Variants in DAGLB observed in about 807,000 individuals in gnomAD.
The protein encoded by DAGLB is diacylglycerol lipase-beta.
DAGLB carries 66 observed loss-of-function variants against 72.1 expected under a neutral mutation model. The ratio of observed to expected loss-of-function variants is 0.92; its 90% CI spans 0.75 to 1.12. The LOEUF (loss-of-function observed/expected upper bound fraction) is 1.12. Among genes scored for constraint, DAGLB ranks in the 50% most tolerant of loss-of-function variants. The probability of loss-of-function intolerance (pLI) is 0.00; values close to 1 mark genes in which losing one functional copy is unlikely to be tolerated. For synonymous variants in DAGLB, 414 were observed against 359.5 expected (o/e 1.15, Z -1.71); for missense variants, 1,065 against 884.9 (o/e 1.20, Z -2.58).
Position 6,412,836 on chromosome 7 carries a change from A to C in DAGLB, c.1544T>G (p.Val515Gly). The C allele has an allele frequency of 6.3e-7, 1 of 1,598,454 alleles. No individual in the cohort carries two copies. ...LEDLKRRILR[V>G]VAHCNKPKYK... Reference sequence around the variant, plus strand: ...CTTGGGTTTATTGCAGTGCGCGACCACTCGCAAGATTCTTCTCTTCAGATC... The same window carrying C: ...CTTGGGTTTATTGCAGTGCGCGACCCCTCGCAAGATTCTTCTCTTCAGATC... The change falls in exon 13 of 15, where the codon GTG becomes GGG. Residue 515 changes from valine to glycine, a missense_variant. Transcript: ENST00000297056.
chr7:6,443,193 A>C (rs1466983429), intron 2 of DAGLB, among the ~76,000 whole-genome samples: 1 of 150,256 alleles, frequency 6.7e-6, no homozygotes, highest in Admixed American at 6.7e-5. Flanking sequence ...CATCCGGAAA[A>C]AAAAAACAAA....
intron 8 of DAGLB, among the ~76,000 whole-genome samples, chr7:6,424,095 T>C (rs887005512): frequency 6.6e-6 from 1 of 152,240 alleles, no homozygotes; most frequent in Admixed American, 6.5e-5. Context: ...CTCTGGAGTC[T>C]CAACTCATTT....
chr7:6,419,522 C>T (rs1306826160), intron 9 of DAGLB, among the ~76,000 whole-genome samples: 2 of 152,182 alleles, frequency 1.3e-5, no homozygotes, highest in East Asian at 1.9e-4. Flanking sequence ...GTCCAATTAC[C>T]GTGGACAGCG....
At chr7:6,434,639 C>T in intron 4 of DAGLB, 123 bp downstream of exon 4, 2 of 1,486,396 alleles carry the variant, frequency 1.3e-6, no homozygotes, top group East Asian at 4.5e-5. Context: ...TCTCCGGCCA[C>T]CCCCCACACA....
At chr7:6,429,771 G>A (rs114398783) in intron 6 of DAGLB, among the ~76,000 whole-genome samples, 3,967 of 151,894 alleles carry the variant, frequency 0.026, 195 homozygotes, top group African/African-American at 0.092. Flanking sequence ...GTGGCCGGGC[G>A]TGGTGGCTCA....
chr7:6,430,224 T>C (rs1784436978), intron 6 of DAGLB, among the ~76,000 whole-genome samples: 2 of 112,846 alleles, frequency 1.8e-5, no homozygotes, highest in South Asian at 2.8e-4. Flanking sequence ...AAAAATAAAA[T>C]GGTTCGGGGA....
intron 13 of DAGLB, among the ~76,000 whole-genome samples, chr7:6,411,499 G>A (rs1049027003): frequency 4.6e-5 from 7 of 152,172 alleles, no homozygotes; most frequent in Non-Finnish European, 7.3e-5. Context: ...GCGCATGCCT[G>A]TAGTGTAGCC....
At chr7:6,426,498 G>C (rs891583631) in intron 6 of DAGLB, among the ~76,000 whole-genome samples, 4 of 152,148 alleles carry the variant, frequency 2.6e-5, no homozygotes, top group African/African-American at 9.7e-5. Flanking sequence ...TTAAACTCCT[G>C]ACCTCAGGCG....
At chr7:6,422,992 G>C (rs117305856) in intron 8 of DAGLB, among the ~76,000 whole-genome samples, 3,391 of 152,350 alleles carry the variant, frequency 0.022, 58 homozygotes, top group Middle Eastern at 0.054. Flanking sequence ...GTGAGTCCTT[G>C]GTGGACAGGA....
intron 7 of DAGLB, 129 bp downstream of exon 7, chr7:6,425,859 T>C (rs1583290893): frequency 2.1e-6 from 3 of 1,455,102 alleles, no homozygotes; most frequent in East Asian, 4.8e-5. Context: ...TCTGAAATAG[T>C]ACACAGGACT....
chr7:6,442,942 G>T (rs868172952), intron 2 of DAGLB, among the ~76,000 whole-genome samples: 1 of 151,716 alleles, frequency 6.6e-6, no homozygotes, highest in South Asian at 2.1e-4. Context: ...GGGAGGCTGA[G>T]GCGGGCGGAT....
intron 13 of DAGLB, chr7:6,412,507 C>G: frequency 2.6e-6 from 1 of 379,818 alleles, no homozygotes; most frequent in Admixed American, 3.8e-5. Flanking sequence ...GTTGTGTTGC[C>G]CAGGTTGGCC....
intron 3 of DAGLB, 91 bp downstream of exon 3, chr7:6,436,271 G>A (rs1231285970): frequency 8.9e-6 from 13 of 1,463,890 alleles, no homozygotes; most frequent in South Asian, 8.4e-5. Context: ...GAGGAAGTCC[G>A]AGGGACGCTG....
intron 5 of DAGLB, 98 bp downstream of exon 5, chr7:6,432,739 A>G: frequency 1.4e-6 from 2 of 1,403,678 alleles, no homozygotes; most frequent in South Asian, 1.5e-5. Context: ...GGAATGAAGG[A>G]AGGGAGGAAG....
chr7:6,437,184 A>G (rs184340074), intron 2 of DAGLB, among the ~76,000 whole-genome samples: 1 of 147,904 alleles, frequency 6.8e-6, no homozygotes, highest in African/African-American at 2.5e-5. Context: ...AATAATAATA[A>G]TAATAATAGT....
intron 2 of DAGLB, among the ~76,000 whole-genome samples, chr7:6,443,155 G>C (rs1254768410): frequency 3.4e-5 from 5 of 146,008 alleles, no homozygotes; most frequent in Non-Finnish European, 6.0e-5. Flanking sequence ...TGCCACTGCA[G>C]TCCAGCCTGG....
At chr7:6,411,132 A>G (rs575886912) in intron 13 of DAGLB, among the ~76,000 whole-genome samples, 2 of 151,440 alleles carry the variant, frequency 1.3e-5, no homozygotes, top group Non-Finnish European at 2.9e-5. Context: ...TTGGCCTCCC[A>G]AAGTGCTGGG....
intron 2 of DAGLB, among the ~76,000 whole-genome samples, chr7:6,445,225 C>G (rs138092721): frequency 1.3e-5 from 2 of 152,284 alleles, no homozygotes; most frequent in East Asian, 3.9e-4. Flanking sequence ...TGGAAACAAT[C>G]CAAATGCCTA....
At chr7:6,444,540 T>TGCAGTGA (rs1383607935) in intron 2 of DAGLB, among the ~76,000 whole-genome samples, 1 of 152,100 alleles carries the variant, frequency 6.6e-6, no homozygotes, top group African/African-American at 2.4e-5. Flanking sequence ...AGACGGAGGC[T>TGCAGTGA]GCAGTGAGCA....
Sources: allele counts gnomAD v4.1 joint callset (sites outside exome capture counted in the v4.1 genomes callset), GRCh38; gene constraint gnomAD v4.1.1; transcripts MANE v1.5; gene names NCBI Gene and HGNC (gene_info 2026-07-23, HGNC 2026-07-21).